Variants in TSPAN8 observed in about 807,000 individuals in gnomAD.
TSPAN8 encodes the protein tetraspanin 8.
A neutral mutation model predicts 32.8 loss-of-function variants in TSPAN8; 21 were observed. The observed-to-expected ratio is 0.64, with a 90% confidence interval of 0.45 to 0.92. The LOEUF is 0.92. Ranked by LOEUF, TSPAN8 falls within the 40% of genes least tolerant of loss-of-function variation. The pLI is 0.00. For missense variants in TSPAN8, 269 were observed against 281.9 expected, an observed-to-expected ratio of 0.95 and a Z score of 0.33; for synonymous variants, 95 against 94.6, an observed-to-expected ratio of 1.00 and a Z score of -0.03.
chr12:71,149,374 A>G (rs1872174792), intron 2 of TSPAN8, among the ~76,000 whole-genome samples: 4 of 151,906 alleles, frequency 2.6e-5, no homozygotes, highest in Admixed American at 2.6e-4. Flanking sequence ...TGTCTCAAAA[A>G]AAAAAAAAAA....
At chr12:71,153,061 T>G (rs569705221) in intron 2 of TSPAN8, among the ~76,000 whole-genome samples, 2 of 152,308 alleles carry the variant, frequency 1.3e-5, no homozygotes, top group African/African-American at 4.8e-5. Flanking sequence ...TACCTCATTC[T>G]TCTTTCCCTC....
intron 2 of TSPAN8, among the ~76,000 whole-genome samples, chr12:71,146,321 C>G (rs1026008105): frequency 6.6e-6 from 1 of 152,204 alleles, no homozygotes; most frequent in African/African-American, 2.4e-5. Flanking sequence ...TGGAGAAATT[C>G]CCATGTAAAT....
chr12:71,150,509 GAT>G (rs34578409), intron 2 of TSPAN8, among the ~76,000 whole-genome samples: 28,946 of 152,032 alleles, frequency 0.19, 4,437 homozygotes, highest in African/African-American at 0.41. Context: ...CGGTCCTACT[GAT>G]ATGTAATGTC....
chr12:71,156,620 A>AAGTTTAATTAAGTTC, intron 2 of TSPAN8, among the ~76,000 whole-genome samples: 1 of 152,322 alleles, frequency 6.6e-6, no homozygotes, highest in South Asian at 2.1e-4. Context: ...TCATGTAGTT[A>AAGTTTAATTAAGTTC]AGTTTAATTA....
chr12:71,136,581 A>T (rs1240599871), intron 6 of TSPAN8, among the ~76,000 whole-genome samples: 1 of 152,218 alleles, frequency 6.6e-6, no homozygotes, highest in East Asian at 1.9e-4. Context: ...GACCCTGAGT[A>T]CACAAACCTG....
chr12:71,125,345 C>T lies in TSPAN8; in HGVS notation c.703G>A (p.Gly235Arg), dbSNP rs144070931. 141 of 1,612,082 alleles carry T rather than the reference C, an allele frequency of 8.7e-5. No individual in the cohort carries two copies. The highest frequency in any genetic ancestry group is 1.1e-4 in the Non-Finnish European group (125 of 1,179,266). The stretch of plus-strand genomic sequence containing the variant: ...ATGCATCCACAGATTCATTTGTTCC[C>T]GATCTGGCAATACAGGACCATAGAA... ...VFSMVLYCQI[G>R]NK is the part of the protein sequence containing the mutation. The change falls in exon 9 of 9, where the codon GGG becomes AGG. Residue 235 changes from glycine (G) to arginine (R), a missense_variant. Coordinates refer to ENST00000247829, the MANE Select transcript of TSPAN8 (RefSeq NM_004616.3).
intron 7 of TSPAN8, 35 bp from the exon 8 acceptor site, chr12:71,129,449 C>G (rs757612226): frequency 6.6e-7 from 1 of 1,526,388 alleles, no homozygotes; most frequent in Non-Finnish European, 8.8e-7. Context: ...AGTTACCTCT[C>G]AGAAAAATTC....
Position 71,138,159 on chromosome 12 carries a change from A to G in TSPAN8, c.333T>C (p.Ser111=). ...ATGILGAVFK[S]KSDRIVNETL... The stretch of plus-strand genomic sequence containing the variant: ...TTTCAAACATCTGTGCACACACCTT[A>G]GATTTGAAAACAGCTCCTAGGATAC... Residue 111 remains serine, a synonymous_variant, in exon 5 of 9, where the codon TCT becomes TCC. Coordinates refer to ENST00000247829, the MANE Select transcript of TSPAN8 (RefSeq NM_004616.3). The G allele has an allele frequency of 6.2e-7, 1 of 1,613,988 alleles. No individual in the cohort carries two copies. Among genetic ancestry groups the G allele is most frequent in the East Asian group, 2.2e-5 (1 of 44,880 alleles).
intron 2 of TSPAN8, among the ~76,000 whole-genome samples, chr12:71,155,719 A>G (rs1307177722): frequency 6.6e-6 from 1 of 151,820 alleles, no homozygotes; most frequent in African/African-American, 2.4e-5. Context: ...AAAGTGTAAT[A>G]ATGATATTGT....
intron 2 of TSPAN8, among the ~76,000 whole-genome samples, chr12:71,154,006 C>T (rs1672688891): frequency 6.6e-6 from 1 of 152,028 alleles, no homozygotes; most frequent in Non-Finnish European, 1.5e-5. Context: ...GATAATGTAA[C>T]CATAAAATAA....
chr12:71,138,440 T>C (rs1871785585), intron 4 of TSPAN8, among the ~76,000 whole-genome samples: 1 of 152,186 alleles, frequency 6.6e-6, no homozygotes, highest in Admixed American at 6.5e-5. Flanking sequence ...TCGAGGAAAG[T>C]GGTTCAGGCA....
chr12:71,140,011 C>T (rs1871850911), intron 3 of TSPAN8, among the ~76,000 whole-genome samples, 163 bp from the exon 4 acceptor site: 1 of 70,556 alleles, frequency 1.4e-5, no homozygotes. Context: ...CCTCATGGAG[C>T]TCACATTCTA....
chr12:71,137,933 G>C lies in TSPAN8; in HGVS notation c.444+20C>G, dbSNP rs1871756048. 1 of 1,596,732 alleles carries C rather than the reference G, an allele frequency of 6.3e-7. No homozygotes were observed. The highest frequency in any genetic ancestry group is 1.7e-5 in the Admixed American group (1 of 58,384). On this transcript the variant is annotated intron_variant, in intron 6 of 8. Coordinates refer to ENST00000247829, the MANE Select transcript of TSPAN8 (RefSeq NM_004616.3). ...AGAACTATGTCCAACTCTTTAAAAT[G>C]AACAATGAATTCTAATTACCTCTTC...
intron 4 of TSPAN8, chr12:71,139,153 T>G: frequency 4.4e-6 from 2 of 456,334 alleles, no homozygotes; most frequent in Non-Finnish European, 8.8e-6. Flanking sequence ...CAACCCACAC[T>G]TGGATTCATC....
At chr12:71,157,442 C>G (rs1333464215) in intron 2 of TSPAN8, 177 bp downstream of exon 2, 1 of 526,708 alleles carries the variant, frequency 1.9e-6, no homozygotes, top group Non-Finnish European at 3.4e-6. Context: ...GAGTCCTTGG[C>G]TCATTTTCAA....
At position 71,157,955 on chromosome 12, in the gene TSPAN8, T is replaced by G. The variant is rs1565791848; in HGVS notation, c.-135A>C. ...ACATTTAAATATCGCAAAGGCTATC[T>G]CCAGGCAAGTATGTTCCTTTGCTTG... On this transcript the variant is annotated 5_prime_UTR_variant, in exon 1 of 9. Transcript: ENST00000247829. The G allele has an allele frequency of 2.5e-6, 1 of 402,622 alleles. No homozygotes were observed. The highest frequency in any genetic ancestry group is 4.5e-6 in the Non-Finnish European group (1 of 223,006). 24.9% of individuals were successfully genotyped at this position (402,622 alleles called of 1,614,324 possible).
chr12:71,157,651 A>G lies in TSPAN8; in HGVS notation c.28T>C (p.Tyr10His), dbSNP rs748811000. MAGVSACIK[Y>H]SMFTFNFLFW... ...AAGAAGTTGAAGGTAAACATAGAAT[A>G]TTTTATACAGGCACTCACACCTGCC... Residue 10 changes from tyrosine to histidine, a missense_variant, in exon 2 of 9, where the codon TAT becomes CAT. By Grantham distance (83) the Tyr-to-His change is moderately conservative. Coordinates refer to ENST00000247829, the MANE Select transcript of TSPAN8 (RefSeq NM_004616.3). The G allele has an allele frequency of 6.2e-7, 1 of 1,613,620 alleles. No homozygotes were observed. The highest frequency in any genetic ancestry group is 1.3e-5 in the African/African-American group (1 of 74,896).
intron 4 of TSPAN8, 25 bp downstream of exon 4, chr12:71,139,686 A>G (rs147377278): frequency 0.013 from 20,936 of 1,610,834 alleles, 175 homozygotes; most frequent in Non-Finnish European, 0.015. Flanking sequence ...AAGGTTGGAC[A>G]CTGGGATTTG....
At chr12:71,137,212 C>T (rs1268961320) in intron 6 of TSPAN8, among the ~76,000 whole-genome samples, 1 of 152,082 alleles carries the variant, frequency 6.6e-6, no homozygotes, top group Non-Finnish European at 1.5e-5. Context: ...CCCTGGTGGT[C>T]AAAATTGCAG....
Sources: allele counts gnomAD v4.1 joint callset (sites outside exome capture counted in the v4.1 genomes callset), GRCh38; gene constraint gnomAD v4.1.1; transcripts MANE v1.5; gene names NCBI Gene and HGNC (gene_info 2026-07-23, HGNC 2026-07-21).